Variants in RPTOR observed in about 807,000 individuals in gnomAD.
RPTOR encodes regulatory associated protein of MTOR complex 1, also known as regulatory-associated protein of mTOR.
In RPTOR, 21 loss-of-function variants were observed where a neutral mutation model predicts 169.9. The ratio of observed to expected loss-of-function variants is 0.12; its 90% CI spans 0.09 to 0.18. The LOEUF (loss-of-function observed/expected upper bound fraction) is 0.18. Ranked by LOEUF, RPTOR falls within the 10% of genes least tolerant of loss-of-function variation. The probability of loss-of-function intolerance (pLI) is 1.00; values close to 1 mark genes in which losing one functional copy is unlikely to be tolerated. For synonymous variants in RPTOR, 732 were observed against 753.2 expected, an observed-to-expected ratio of 0.97 and a Z score of 0.46; for missense variants, 1,133 against 1,855.9, an observed-to-expected ratio of 0.61 and a Z score of 7.16.
intron 14 of RPTOR, 120 bp downstream of exon 14, chr17:80,880,609 C>A: frequency 1.1e-6 from 1 of 880,436 alleles, no homozygotes; most frequent in Non-Finnish European, 1.8e-6. Context: ...AGGGTCACAG[C>A]AGGGGCCACG....
intron 32 of RPTOR, 59 bp from the exon 33 acceptor site, chr17:80,962,869 C>G: frequency 5.0e-6 from 8 of 1,607,662 alleles, no homozygotes; most frequent in Non-Finnish European, 6.8e-6. Flanking sequence ...GGCATCTGCG[C>G]CCATCTTCCA....
At position 80,546,929 on chromosome 17, in the gene RPTOR, C is replaced by T. The variant is rs532420597; in HGVS notation, c.162+1138C>T. On this transcript the variant is annotated intron_variant, in intron 1 of 33. Transcript: ENST00000306801. ...ACTAAAAATACAAAAATTAGCTGGG[C>T]TTGGTGGCAGGTGCCCGTAATCCCA... Among the ~76,000 whole-genome samples, 368 of 152,100 alleles carry T rather than the reference C, an allele frequency of 2.4e-3. 1 individual carries two copies. The highest frequency in any genetic ancestry group is 5.2e-3 in the Admixed American group (80 of 15,260).
At chr17:80,683,736 C>T (rs1434192950) in intron 3 of RPTOR, among the ~76,000 whole-genome samples, 4 of 152,250 alleles carry the variant, frequency 2.6e-5, no homozygotes, top group East Asian at 1.9e-4. Flanking sequence ...TCCCTGATTT[C>T]GCTGCCACCC....
At position 80,957,368 on chromosome 17, in the gene RPTOR, G is replaced by A. The variant is rs1202013274; in HGVS notation, c.3371-256G>A. On this transcript the variant is annotated intron_variant, in intron 28 of 33. Transcript: ENST00000306801. The surrounding 1 kb of genome is among the most constrained non-coding windows in gnomAD (Gnocchi z 4.6). Reference sequence around the variant, plus strand: ...AGAACTGTCACCCCAGCCTGGACTTGGGAGTTCCAGCTCAGAATTGTCATC... The same window carrying A: ...AGAACTGTCACCCCAGCCTGGACTTAGGAGTTCCAGCTCAGAATTGTCATC... Among the ~76,000 whole-genome samples the A allele has an allele frequency of 6.6e-6, 1 of 151,836 alleles. No homozygotes were observed. The highest frequency in any genetic ancestry group is 1.5e-5 in the Non-Finnish European group (1 of 67,940).
At chr17:80,809,112 C>A (rs944321388) in intron 7 of RPTOR, among the ~76,000 whole-genome samples, 14 of 152,246 alleles carry the variant, frequency 9.2e-5, no homozygotes, top group Non-Finnish European at 1.6e-4. Flanking sequence ...GGTTTGCTGA[C>A]CTGAGTTCCT....
intron 2 of RPTOR, among the ~76,000 whole-genome samples, chr17:80,627,286 C>G (rs2065403482): frequency 6.6e-6 from 1 of 152,242 alleles, no homozygotes; most frequent in Admixed American, 6.5e-5. Context: ...TCCCAAAGTG[C>G]TGGGATTACA....
At chr17:80,686,997 C>T (rs953914805) in intron 3 of RPTOR, among the ~76,000 whole-genome samples, 3 of 151,834 alleles carry the variant, frequency 2.0e-5, no homozygotes, top group African/African-American at 4.8e-5. Context: ...GTTCAGTAAC[C>T]AGAGAGTGGA....
intron 5 of RPTOR, among the ~76,000 whole-genome samples, chr17:80,747,695 A>C (rs948572637): frequency 2.0e-5 from 3 of 152,182 alleles, no homozygotes; most frequent in African/African-American, 7.2e-5. Flanking sequence ...CAGCGTCTGG[A>C]CCACGGGAGC....
At chr17:80,798,392 G>A (rs1051317485) in intron 7 of RPTOR, among the ~76,000 whole-genome samples, 16 of 152,266 alleles carry the variant, frequency 1.1e-4, no homozygotes, top group Middle Eastern at 6.8e-3. Flanking sequence ...CATCTGACAT[G>A]CACAAAACCT....
At chr17:80,792,682 C>CT (rs2067060796) in intron 7 of RPTOR, among the ~76,000 whole-genome samples, 1 of 151,936 alleles carries the variant, frequency 6.6e-6, no homozygotes, top group Non-Finnish European at 1.5e-5. Flanking sequence ...TGGAAAATAA[C>CT]TTTAAAAAAA....
intron 6 of RPTOR, among the ~76,000 whole-genome samples, chr17:80,762,638 T>G (rs971703471): frequency 6.6e-6 from 1 of 151,970 alleles, no homozygotes; most frequent in African/African-American, 2.4e-5. Context: ...GAAAGACCAG[T>G]TGGAAGCATT....
rs145587497 is a variant in RPTOR, at chr17:80,673,512, C to T, written c.348+29702C>T. ...TCAAACACTCGTAACAAGCAGCTGT[C>T]ATCGTTGTTTGGCCTCCAGAAAGCC... On this transcript the variant is annotated intron_variant, in intron 3 of 33. Transcript: ENST00000306801. Among the ~76,000 whole-genome samples the T allele has an allele frequency of 8.9e-3, 1,362 of 152,320 alleles. 23 individuals carry two copies. Among genetic ancestry groups the T allele is most frequent in the African/African-American group, 0.03 (1,266 of 41,562 alleles).
chr17:80,673,949 A>G (rs767726599), intron 3 of RPTOR, among the ~76,000 whole-genome samples: 36 of 152,340 alleles, frequency 2.4e-4, no homozygotes, highest in Admixed American at 6.5e-4. Context: ...CTTGCCTTGC[A>G]AATTGGTGTG....
chr17:80,777,774 T>C (rs1185999732), intron 6 of RPTOR, among the ~76,000 whole-genome samples: 3 of 152,240 alleles, frequency 2.0e-5, no homozygotes, highest in Non-Finnish European at 4.4e-5. Context: ...TTAATTTTTG[T>C]AAATGGTGTG....
chr17:80,724,992 A>G (rs769553668), intron 4 of RPTOR, among the ~76,000 whole-genome samples: 2 of 151,918 alleles, frequency 1.3e-5, no homozygotes, highest in Non-Finnish European at 2.9e-5. Flanking sequence ...TCTTCTTTGT[A>G]CTCATCTGTT....
chr17:80,707,150 C>G lies in RPTOR; in HGVS notation c.349-691C>G, dbSNP rs1196073318. Among the ~76,000 whole-genome samples, 3 of 152,208 alleles carry G rather than the reference C, an allele frequency of 2.0e-5. No homozygotes were observed. The highest frequency in any genetic ancestry group is 7.2e-5 in the African/African-American group (3 of 41,458). ...GGCGATTCCTTACTCGGTCTCTTCA[C>G]TCTTCTGCCATTGCTGCCATGTGTA... On this transcript the variant is annotated intron_variant, in intron 3 of 33. Transcript: ENST00000306801. The surrounding 1 kb of genome is among the most constrained non-coding windows in gnomAD (Gnocchi z 5.0).
At chr17:80,556,675 C>T (rs1220022788) in intron 1 of RPTOR, among the ~76,000 whole-genome samples, 1 of 151,900 alleles carries the variant, frequency 6.6e-6, no homozygotes, top group Non-Finnish European at 1.5e-5. Flanking sequence ...TGTGGACTGG[C>T]TGGCTGGTAC....
At chr17:80,945,859 C>G (rs1418109066) in intron 26 of RPTOR, 78 bp downstream of exon 26, 1 of 796,120 alleles carries the variant, frequency 1.3e-6, no homozygotes, top group Non-Finnish European at 1.9e-6. Context: ...CCGATCACCA[C>G]TCCTCTTCCT....
rs534012329 is a variant in RPTOR, at chr17:80,850,793, G to A, written c.1314+4219G>A. On this transcript the variant is annotated intron_variant, in intron 11 of 33. Transcript: ENST00000306801. ...CATGTACATCGGGGACTCCAAAACC[G>A]CCCTGCTCATCAGGTGCCCGAGGCA... 3.9e-5 allele frequency among the ~76,000 whole-genome samples: 6 copies of A among 152,270 alleles called. No homozygotes were observed. In the South Asian group the frequency reaches 6.2e-4, roughly 16 times the overall value.
Sources: allele counts gnomAD v4.1 joint callset (sites outside exome capture counted in the v4.1 genomes callset), GRCh38; gene constraint gnomAD v4.1.1; non-coding constraint Gnocchi (gnomAD v3.1); transcripts MANE v1.5; gene names NCBI Gene and HGNC (gene_info 2026-07-23, HGNC 2026-07-21).